The following MTREX variants were observed in gnomAD, a reference collection of about 807,000 sequenced individuals.
The protein encoded by MTREX is exosome RNA helicase MTR4.
MTREX carries 76 observed loss-of-function variants against 135.4 expected under a neutral mutation model. The observed-to-expected ratio is 0.56, with a 90% CI of 0.47 to 0.68. The LOEUF is 0.68. Ranked by LOEUF, MTREX falls within the 30% of genes least tolerant of loss-of-function variation. MTREX has a pLI of 0.00. For synonymous variants in MTREX, 404 were observed against 401.6 expected, an observed-to-expected ratio of 1.01 and a Z score of -0.07; for missense variants, 920 against 1,262.1, an observed-to-expected ratio of 0.73 and a Z score of 4.11.
intron 20 of MTREX, among the ~76,000 whole-genome samples, chr5:55,399,702 T>C (rs899749737): frequency 3.9e-5 from 6 of 152,232 alleles, no homozygotes; most frequent in Admixed American, 6.5e-5. Context: ...TTAGCCAGGA[T>C]GGTCTCGATC....
At chr5:55,343,001 T>G (rs1299194290) in intron 7 of MTREX, among the ~76,000 whole-genome samples, 1 of 152,244 alleles carries the variant, frequency 6.6e-6, no homozygotes, top group Non-Finnish European at 1.5e-5. Flanking sequence ...TACAAGTTAG[T>G]AACCATTACT....
intron 1 of MTREX, among the ~76,000 whole-genome samples, chr5:55,310,970 G>T (rs1310275618): frequency 6.6e-6 from 1 of 151,692 alleles, no homozygotes; most frequent in Non-Finnish European, 1.5e-5. Flanking sequence ...GTAGAGACGG[G>T]TGTCTCATAG....
Position 55,327,792 on chromosome 5 carries a change from G to A in MTREX, c.402+14G>A. 6.3e-7 allele frequency: 1 copy of A among 1,589,880 alleles called. No homozygotes were observed. Among genetic ancestry groups the A allele is most frequent in the Non-Finnish European group, 8.6e-7 (1 of 1,159,756 alleles). On this transcript the variant is annotated intron_variant, in intron 4 of 26. Transcript: ENST00000230640. ...AAAGCTGCTAAGGTCTGTACTTTGG[G>A]TAATACAGTTTATATAGTTTCGTGA...
At chr5:55,395,663 A>G (rs1405328245) in intron 19 of MTREX, among the ~76,000 whole-genome samples, 1 of 152,218 alleles carries the variant, frequency 6.6e-6, no homozygotes, top group Non-Finnish European at 1.5e-5. Flanking sequence ...CAAAGTGATC[A>G]ACATTATCTC....
chr5:55,401,410 G>GT, intron 21 of MTREX, among the ~76,000 whole-genome samples: 1 of 152,072 alleles, frequency 6.6e-6, no homozygotes, highest in Non-Finnish European at 1.5e-5. Flanking sequence ...CAGGACATTT[G>GT]TTTTTTTCTA....
chr5:55,343,506 T>C (rs1483694552), intron 8 of MTREX, 51 bp downstream of exon 8: 2 of 1,519,582 alleles, frequency 1.3e-6, no homozygotes, highest in South Asian at 2.4e-5. Flanking sequence ...TGTTACAGAT[T>C]AGTCTTGCTT....
intron 19 of MTREX, among the ~76,000 whole-genome samples, chr5:55,397,177 T>G (rs977010838): frequency 8.5e-5 from 13 of 152,224 alleles, no homozygotes; most frequent in Admixed American, 8.5e-4. Flanking sequence ...GCTCTTATTT[T>G]TATGTACCAT....
At chr5:55,393,166 A>G (rs1314808105) in intron 19 of MTREX, among the ~76,000 whole-genome samples, 1 of 152,142 alleles carries the variant, frequency 6.6e-6, no homozygotes, top group Non-Finnish European at 1.5e-5. Context: ...GATAAGTTAA[A>G]TTTGCCACAA....
intron 1 of MTREX, among the ~76,000 whole-genome samples, chr5:55,317,538 G>A (rs1561184218): frequency 1.3e-5 from 2 of 152,100 alleles, no homozygotes; most frequent in Admixed American, 6.6e-5. Context: ...GAAAAGACTC[G>A]CTATTCAATA....
intron 19 of MTREX, among the ~76,000 whole-genome samples, chr5:55,396,494 C>T (rs1561207780): frequency 1.3e-5 from 2 of 152,048 alleles, no homozygotes; most frequent in Non-Finnish European, 2.9e-5. Context: ...GAGGAAGAGG[C>T]AGGCAGGAAG....
At chr5:55,321,022 T>C (rs1430378721) in intron 1 of MTREX, among the ~76,000 whole-genome samples, 4 of 152,194 alleles carry the variant, frequency 2.6e-5, no homozygotes, top group Non-Finnish European at 4.4e-5. Flanking sequence ...ATAAAAACTA[T>C]GCCATTCTCG....
intron 1 of MTREX, among the ~76,000 whole-genome samples, chr5:55,309,737 A>G (rs189182644): frequency 6.5e-4 from 99 of 152,304 alleles, no homozygotes; most frequent in African/African-American, 2.3e-3. Flanking sequence ...CTGGAGGTAT[A>G]TATTTGAATA....
intron 18 of MTREX, among the ~76,000 whole-genome samples, chr5:55,386,986 A>G (rs1740769192): frequency 6.6e-6 from 1 of 152,132 alleles, no homozygotes; most frequent in Non-Finnish European, 1.5e-5. Context: ...TAATGACTGA[A>G]CATAATCTTT....
intron 5 of MTREX, among the ~76,000 whole-genome samples, chr5:55,336,510 C>G (rs1022198862): frequency 6.6e-6 from 1 of 152,078 alleles, no homozygotes; most frequent in African/African-American, 2.4e-5. Flanking sequence ...GCTTTTTATT[C>G]TCTTAGTGTA....
chr5:55,339,786 C>T (rs13436954), intron 5 of MTREX, among the ~76,000 whole-genome samples: 20,664 of 152,062 alleles, frequency 0.14, 1,725 homozygotes, highest in East Asian at 0.26. Context: ...CTATTAGTGA[C>T]TAAGTTGCAT....
Position 55,358,652 on chromosome 5 carries a change from T to C in MTREX, c.1613T>C (p.Met538Thr). The C allele has an allele frequency of 1.2e-6, 2 of 1,605,914 alleles. No individual in the cohort carries two copies. Among genetic ancestry groups the C allele is most frequent in the Admixed American group, 1.7e-5 (1 of 57,890 alleles). The change falls in exon 15 of 27, where the codon ATG becomes ACG. Residue 538 changes from methionine (M) to threonine (T), a missense_variant. Physicochemically the swap from Met to Thr is moderately conservative, Grantham distance 81. Transcript: ENST00000230640. ...GATGATAGAGGAATTGTAATTCTTA[T>C]GGTAGATGAAAAGATGAGCCCAACA... The part of the protein sequence containing the change: ...GMDDRGIVIL[M>T]VDEKMSPTIG...
Position 55,378,391 on chromosome 5 carries a change from A to C in MTREX, c.1888A>C (p.Arg630=), listed in dbSNP as rs185115338. ...AAGTGTGGTTATCTATTATAAGATTAGACAGCAGCTTGCCAAATTGGGTAA... is the reference window on the plus strand; with the variant it reads ...AAGTGTGGTTATCTATTATAAGATTCGACAGCAGCTTGCCAAATTGGGTAA... ...EESVVIYYKI[R]QQLAKLGKEI... The change falls in exon 17 of 27, where the codon AGA becomes CGA. Residue 630 remains arginine (R), a synonymous_variant. Coordinates refer to ENST00000230640, the MANE Select transcript of MTREX (RefSeq NM_015360.5). 6 of 1,612,626 alleles carry C rather than the reference A, an allele frequency of 3.7e-6. No individual in the cohort carries two copies. The East Asian group carries it at 8.9e-5, about 24-fold the overall frequency.
chr5:55,316,920 A>T (rs994303317), intron 1 of MTREX, among the ~76,000 whole-genome samples: 26 of 152,116 alleles, frequency 1.7e-4, no homozygotes, highest in African/African-American at 5.8e-4. Context: ...AAACAACTTC[A>T]GCAAAGCTGC....
chr5:55,379,012 T>G, intron 17 of MTREX, 115 bp from the exon 18 acceptor site: 1 of 687,324 alleles, frequency 1.5e-6, no homozygotes, highest in East Asian at 2.8e-5. Flanking sequence ...CTTTCAAAGA[T>G]ATTTTATCAG....
Sources: gnomAD v4.1 joint callset for allele counts (sites outside exome capture counted in the v4.1 genomes callset) on GRCh38, gnomAD v4.1.1 for gene constraint, MANE v1.5 for transcripts, NCBI Gene and HGNC (gene_info 2026-07-23, HGNC 2026-07-21) for gene names.